The following KIF5C variants were observed in gnomAD, a reference collection of about 807,000 sequenced individuals.
KIF5C encodes the protein kinesin heavy chain isoform 5C.
KIF5C carries 18 observed loss-of-function variants against 125.2 expected under a neutral mutation model. The ratio of observed to expected loss-of-function variants is 0.14; its 90% CI spans 0.10 to 0.21. The LOEUF (loss-of-function observed/expected upper bound fraction) is 0.21, where lower values mean the gene tolerates loss of function less well. KIF5C is among the 10% of genes least tolerant of loss of function. KIF5C has a pLI of 1.00. For synonymous variants in KIF5C, 405 were observed against 434.0 expected, an observed-to-expected ratio of 0.93 and a Z score of 0.83; for missense variants, 780 against 1,183.8, an observed-to-expected ratio of 0.66 and a Z score of 5.01.
At chr2:148,889,703 G>T (rs1439507576) in intron 1 of KIF5C, among the ~76,000 whole-genome samples, 1 of 152,160 alleles carries the variant, frequency 6.6e-6, no homozygotes, top group Non-Finnish European at 1.5e-5. Flanking sequence ...CTTCTGGGAG[G>T]TGTGGTGACA....
chr2:148,929,887 T>C (rs908402666), intron 3 of KIF5C, among the ~76,000 whole-genome samples: 4 of 152,152 alleles, frequency 2.6e-5, no homozygotes, highest in African/African-American at 9.7e-5. Context: ...CCATCTTAGG[T>C]TGAATATTCT....
At chr2:148,947,872 G>A (rs1056021709) in intron 8 of KIF5C, 2 of 456,656 alleles carry the variant, frequency 4.4e-6, no homozygotes, top group Non-Finnish European at 8.8e-6. Context: ...TTGAAGCTTG[G>A]TCAGTCTCCC....
intron 5 of KIF5C, 127 bp downstream of exon 5, chr2:148,941,785 GTA>G: frequency 2.8e-6 from 4 of 1,453,196 alleles, no homozygotes; most frequent in Non-Finnish European, 3.7e-6. Context: ...TGCCTTCAGG[GTA>G]TATGTTTATT....
intron 15 of KIF5C, among the ~76,000 whole-genome samples, chr2:148,990,492 C>A (rs1452016152): frequency 6.6e-6 from 1 of 152,174 alleles, no homozygotes; most frequent in Non-Finnish European, 1.5e-5. Flanking sequence ...TTGAGGACTA[C>A]ATAGAAACAC....
rs183037970 is a variant in KIF5C, at chr2:149,022,111, C to T, written c.*8-967C>T. On this transcript the variant is annotated intron_variant, in intron 25 of 25. Transcript: ENST00000435030. ...GGAGAATCTTATTATCCGATGGAGA[C>T]GAAGCATACCTTTGGGAACTGGGAA... is the stretch of plus-strand genomic sequence containing the variant. Among the ~76,000 whole-genome samples the T allele has an allele frequency of 2.1e-3, 315 of 152,150 alleles. 2 individuals carry two copies. The highest frequency in any genetic ancestry group is 8.4e-4 in the Non-Finnish European group (57 of 67,984).
chr2:148,907,766 G>C (rs1681171301), intron 1 of KIF5C, among the ~76,000 whole-genome samples: 1 of 152,188 alleles, frequency 6.6e-6, no homozygotes, highest in Non-Finnish European at 1.5e-5. Context: ...GGAAGGTGAG[G>C]GGCAGGGAGA....
intron 1 of KIF5C, among the ~76,000 whole-genome samples, chr2:148,899,187 ATTTTTT>A (rs993030666): frequency 9.9e-5 from 15 of 152,082 alleles, no homozygotes; most frequent in African/African-American, 3.4e-4. Flanking sequence ...TTTTAATCTT[ATTTTTT>A]TAAGAGTCAG....
intron 1 of KIF5C, among the ~76,000 whole-genome samples, chr2:148,897,776 G>C (rs1345584444): frequency 6.6e-6 from 1 of 151,580 alleles, no homozygotes; most frequent in Non-Finnish European, 1.5e-5. Context: ...AAAATTAGCT[G>C]GTTGTGGTAG....
chr2:149,021,339 A>ATTAT (rs1359686761), intron 25 of KIF5C, among the ~76,000 whole-genome samples: 4 of 151,976 alleles, frequency 2.6e-5, no homozygotes, highest in African/African-American at 9.7e-5. Context: ...AAGTGCTGGG[A>ATTAT]TTATAGGCAT....
At chr2:148,889,233 A>T (rs578037482) in intron 1 of KIF5C, among the ~76,000 whole-genome samples, 1 of 152,324 alleles carries the variant, frequency 6.6e-6, no homozygotes, top group African/African-American at 2.4e-5. Context: ...AATAAAGGAG[A>T]TGAATCACTT....
chr2:148,993,086 T>C (rs1451814552), intron 16 of KIF5C, among the ~76,000 whole-genome samples: 2 of 152,236 alleles, frequency 1.3e-5, no homozygotes, highest in Non-Finnish European at 2.9e-5. Context: ...GAAGAGGTAG[T>C]GCCAGCCCTG....
intron 8 of KIF5C, 165 bp downstream of exon 8, chr2:148,947,188 C>A (rs911294984): frequency 6.2e-6 from 7 of 1,137,956 alleles, no homozygotes; most frequent in Non-Finnish European, 8.4e-6. Flanking sequence ...TCCCTGCTTT[C>A]TTTTCTGGTC....
At chr2:148,921,692 T>C (rs1681791850) in intron 1 of KIF5C, among the ~76,000 whole-genome samples, 1 of 152,258 alleles carries the variant, frequency 6.6e-6, no homozygotes, top group South Asian at 2.1e-4. Context: ...TCTGTCCCAC[T>C]GTTTTAAACC....
At chr2:149,018,229 C>T (rs1224247996) in intron 25 of KIF5C, among the ~76,000 whole-genome samples, 2 of 152,150 alleles carry the variant, frequency 1.3e-5, no homozygotes, top group African/African-American at 2.4e-5. Flanking sequence ...TTTGAGGCTG[C>T]AGTGAGCTGT....
At chr2:148,927,107 C>T (rs909032573) in intron 2 of KIF5C, among the ~76,000 whole-genome samples, 1 of 152,202 alleles carries the variant, frequency 6.6e-6, no homozygotes, top group African/African-American at 2.4e-5. Flanking sequence ...AAGCCACGGA[C>T]GAGCTCTGGT....
At chr2:149,007,599 T>C (rs1485250223) in intron 22 of KIF5C, among the ~76,000 whole-genome samples, 1 of 152,236 alleles carries the variant, frequency 6.6e-6, no homozygotes, top group Non-Finnish European at 1.5e-5. Context: ...CCTGGGTTTA[T>C]GTTTTTGCAG....
At chr2:148,971,016 G>T (rs1680886477) in intron 11 of KIF5C, among the ~76,000 whole-genome samples, 1 of 152,188 alleles carries the variant, frequency 6.6e-6, no homozygotes, top group East Asian at 1.9e-4. Flanking sequence ...TAAGCTGAAA[G>T]ATTAAATTCA....
chr2:148,939,116 C>T (rs529815247), intron 4 of KIF5C, among the ~76,000 whole-genome samples: 14 of 149,324 alleles, frequency 9.4e-5, no homozygotes, highest in Admixed American at 7.3e-4. Flanking sequence ...AAAAAAAAGA[C>T]GCAGAGTTAC....
At chr2:149,000,667 C>G (rs1681820556) in intron 20 of KIF5C, 55 bp from the exon 21 acceptor site, 1 of 1,604,050 alleles carries the variant, frequency 6.2e-7, no homozygotes, top group African/African-American at 1.3e-5. Flanking sequence ...CAAATAGTAT[C>G]TGCTGAAATC....
Sources: gnomAD v4.1 joint callset for allele counts (sites outside exome capture counted in the v4.1 genomes callset) on GRCh38, gnomAD v4.1.1 for gene constraint, MANE v1.5 for transcripts, NCBI Gene and HGNC (gene_info 2026-07-23, HGNC 2026-07-21) for gene names.